The following METTL15 variants were observed in gnomAD, a reference collection of about 807,000 sequenced individuals.
METTL15 encodes 12S rRNA N(4)-cytidine methyltransferase METTL15.
Under a neutral mutation model 38.3 loss-of-function variants are expected in METTL15, and 34 were observed. The observed-to-expected ratio is 0.89, with a 90% confidence interval of 0.68 to 1.18. METTL15 has a LOEUF of 1.18. Ranked by LOEUF, METTL15 falls within the 50% of genes most tolerant of loss-of-function variation. METTL15 has a pLI of 0.00. For synonymous variants in METTL15, 162 were observed against 170.9 expected (o/e 0.95, Z 0.41); for missense variants, 438 against 498.4 (o/e 0.88, Z 1.15).
At chr11:28,316,054 C>T (rs1331477698) in intron 6 of METTL15, among the ~76,000 whole-genome samples, 1 of 152,190 alleles carries the variant, frequency 6.6e-6, no homozygotes, top group Admixed American at 6.5e-5. Flanking sequence ...CCCACTGAGG[C>T]ACCACTTAGT....
chr11:28,487,640 T>G (rs982225441), intron 6 of METTL15, among the ~76,000 whole-genome samples: 2 of 152,108 alleles, frequency 1.3e-5, no homozygotes, highest in East Asian at 3.8e-4. Flanking sequence ...CTTTTTAAAA[T>G]TTTTTATTTT....
intron 6 of METTL15, among the ~76,000 whole-genome samples, chr11:28,524,749 G>A (rs999612632): frequency 1.3e-5 from 2 of 152,170 alleles, no homozygotes; most frequent in Non-Finnish European, 2.9e-5. Context: ...ATTGAAGGGA[G>A]CCTAATGAGA....
At chr11:28,442,309 T>A (rs572850911) in intron 6 of METTL15, among the ~76,000 whole-genome samples, 12 of 152,216 alleles carry the variant, frequency 7.9e-5, no homozygotes, top group Non-Finnish European at 1.8e-4. Flanking sequence ...TCAAAGGGCA[T>A]ATTTCCTGAA....
chr11:28,525,070 G>A (rs986242920), intron 6 of METTL15, among the ~76,000 whole-genome samples: 2 of 152,108 alleles, frequency 1.3e-5, no homozygotes, highest in Non-Finnish European at 2.9e-5. Context: ...TCGTGGTCTC[G>A]CTGGCTTCAG....
intron 3 of METTL15, among the ~76,000 whole-genome samples, chr11:28,185,644 A>C (rs950502283): frequency 6.6e-6 from 1 of 151,360 alleles, no homozygotes; most frequent in African/African-American, 2.4e-5. Flanking sequence ...TAATGGATTG[A>C]TTATTTCCCT....
chr11:28,310,971 T>TG, intron 6 of METTL15, among the ~76,000 whole-genome samples: 2 of 133,900 alleles, frequency 1.5e-5, no homozygotes, highest in African/African-American at 6.1e-5. Context: ...GGTGGGTGTG[T>TG]GTGTGTGTGT....
intron 4 of METTL15, among the ~76,000 whole-genome samples, chr11:28,276,715 T>A (rs991123145): frequency 1.3e-5 from 2 of 152,170 alleles, no homozygotes; most frequent in African/African-American, 2.4e-5. Flanking sequence ...AGCCTGGTAT[T>A]GGTATAAAAA....
At chr11:28,240,209 T>G (rs1565194755) in intron 4 of METTL15, among the ~76,000 whole-genome samples, 1 of 152,214 alleles carries the variant, frequency 6.6e-6, no homozygotes, top group Non-Finnish European at 1.5e-5. Context: ...TAAGTAAATA[T>G]ATATAACACA....
At chr11:28,272,667 T>G (rs1172372307) in intron 4 of METTL15, among the ~76,000 whole-genome samples, 3 of 152,268 alleles carry the variant, frequency 2.0e-5, no homozygotes, top group Admixed American at 2.0e-4. Flanking sequence ...TGTATACCTA[T>G]GTAACAAACC....
At chr11:28,288,924 T>G (rs1856398473) in intron 4 of METTL15, among the ~76,000 whole-genome samples, 1 of 152,116 alleles carries the variant, frequency 6.6e-6, no homozygotes, top group South Asian at 2.1e-4. Flanking sequence ...GGAATCCCTC[T>G]CTCACCAATG....
intron 4 of METTL15, among the ~76,000 whole-genome samples, chr11:28,220,411 T>A (rs1406449905): frequency 1.3e-5 from 2 of 152,224 alleles, no homozygotes; most frequent in African/African-American, 4.8e-5. Context: ...TTCCATTTGC[T>A]TGGTAGATCT....
intron 6 of METTL15, chr11:28,519,075 TTAGAG>T (rs1263037729): frequency 6.6e-6 from 1 of 152,250 alleles, no homozygotes; most frequent in African/African-American, 2.4e-5. Context: ...CTGTTGACTT[TTAGAG>T]TAGAGATGGA....
At chr11:28,284,446 G>T (rs1279371559) in intron 4 of METTL15, among the ~76,000 whole-genome samples, 1 of 152,308 alleles carries the variant, frequency 6.6e-6, no homozygotes, top group South Asian at 2.1e-4. Context: ...AGACTGGACA[G>T]TAGCGATTTG....
chr11:28,222,708 A>G (rs776969693), intron 4 of METTL15, among the ~76,000 whole-genome samples: 9 of 152,164 alleles, frequency 5.9e-5, no homozygotes, highest in Non-Finnish European at 1.2e-4. Flanking sequence ...CCTCTGAGAA[A>G]CTTCTTTAGA....
Position 28,354,800 on chromosome 11 carries a change from C to T in METTL15, c.*258+2642C>T, listed in dbSNP as rs151158793. 1.3e-3 allele frequency among the ~76,000 whole-genome samples: 196 copies of T among 152,158 alleles called. 1 individual carries two copies. The highest frequency in any genetic ancestry group is 4.5e-3 in the African/African-American group (188 of 41,520). On this transcript the variant is annotated intron_variant and NMD_transcript_variant, in intron 4 of 7. Transcript: ENST00000532947. ...AACTTATTTTTAAATCAGTATTGAA[C>T]TTTTAATCCCTTCGTGTATGTTTTG...
intron 5 of METTL15, among the ~76,000 whole-genome samples, chr11:28,373,218 C>G (rs1850265866): frequency 6.6e-6 from 1 of 152,064 alleles, no homozygotes; most frequent in Non-Finnish European, 1.5e-5. Context: ...AATGGTTGAA[C>G]TAGTTTACAG....
intron 6 of METTL15, among the ~76,000 whole-genome samples, chr11:28,483,940 G>T (rs1272579985): frequency 6.6e-6 from 1 of 151,976 alleles, no homozygotes; most frequent in East Asian, 1.9e-4. Context: ...TATCCAAATG[G>T]CATATTGATA....
intron 3 of METTL15, among the ~76,000 whole-genome samples, chr11:28,161,050 A>C (rs991290349): frequency 2.0e-5 from 3 of 151,762 alleles, no homozygotes; most frequent in Non-Finnish European, 4.4e-5. Context: ...TTAAGTATTA[A>C]GTATTACAGT....
At chr11:28,218,553 C>CT (rs928826730) in intron 4 of METTL15, among the ~76,000 whole-genome samples, 2 of 152,068 alleles carry the variant, frequency 1.3e-5, no homozygotes, top group African/African-American at 4.8e-5. Flanking sequence ...CCTTTATTTC[C>CT]TTCTCCTGCC....
Sources: allele counts gnomAD v4.1 joint callset (sites outside exome capture counted in the v4.1 genomes callset), GRCh38; gene constraint gnomAD v4.1.1; transcripts MANE v1.5; gene names NCBI Gene and HGNC (gene_info 2026-07-23, HGNC 2026-07-21).